The following GALC variants were observed in gnomAD, a reference collection of about 807,000 sequenced individuals.
The protein encoded by GALC is galactosylceramidase, also known as galactocerebrosidase.
In GALC, 77 loss-of-function variants were observed where a neutral mutation model predicts 91.8. The ratio of observed to expected loss-of-function variants is 0.84; its 90% CI spans 0.70 to 1.01. The LOEUF (loss-of-function observed/expected upper bound fraction) is 1.01. Ranked by LOEUF, GALC falls within the 50% of genes least tolerant of loss-of-function variation. GALC has a pLI of 0.00. For synonymous variants in GALC, 357 were observed against 306.7 expected (o/e 1.16, Z -1.71); for missense variants, 882 against 855.9 (o/e 1.03, Z -0.38).
In GALC at chr14:87,947,156, A is replaced by C. The variant is rs577836443; in HGVS notation, c.1489+572T>G. 2.0e-5 allele frequency among the ~76,000 whole-genome samples: 3 copies of C among 152,224 alleles called. No homozygotes were observed. The South Asian group carries it at 6.2e-4, about 32-fold the overall frequency. On this transcript the variant is annotated intron_variant, in intron 13 of 16. Transcript: ENST00000261304. ...AAATTTTGTTACTTACTCACTAGGA[A>C]TATAACTACAATGACCATGTCTTCT...
chr14:87,933,967 G>A lies in GALC; in HGVS notation c.*765C>T. The A allele has an allele frequency of 6.5e-7, 1 of 1,532,490 alleles. No homozygotes were observed. The highest frequency in any genetic ancestry group is 8.7e-7 in the Non-Finnish European group (1 of 1,144,092). 94.9% of individuals were successfully genotyped at this position (1,532,490 alleles called of 1,614,324 possible). On this transcript the variant is annotated 3_prime_UTR_variant, in exon 17 of 17. Coordinates refer to ENST00000261304, the MANE Select transcript of GALC (RefSeq NM_000153.4). ...TGAGGAAACGACTACAACAGCATTG[G>A]CTATATCAGGTTTTCTTCCTTCTTC... is the stretch of plus-strand genomic sequence containing the variant.
chr14:87,961,335 T>C (rs551093866), intron 10 of GALC, among the ~76,000 whole-genome samples: 4 of 152,294 alleles, frequency 2.6e-5, no homozygotes, highest in Admixed American at 6.5e-5. Flanking sequence ...ATGTGGAGAA[T>C]TGTAAGTTTC....
intron 13 of GALC, 88 bp downstream of exon 13, chr14:87,947,640 T>G (rs1297245148): frequency 7.8e-7 from 1 of 1,284,916 alleles, no homozygotes; most frequent in East Asian, 2.3e-5. Context: ...TGACAGCCAC[T>G]CCATCATGCA....
chr14:87,936,917 T>TA (rs60729987), intron 16 of GALC, among the ~76,000 whole-genome samples: 1 of 139,254 alleles, frequency 7.2e-6, no homozygotes, highest in Admixed American at 7.1e-5. Context: ...TATATATTTA[T>TA]TTATTTTCTC....
chr14:87,970,043 T>C (rs982166186), intron 7 of GALC, among the ~76,000 whole-genome samples: 8 of 152,178 alleles, frequency 5.3e-5, no homozygotes, highest in African/African-American at 1.9e-4. Flanking sequence ...TCTGGAACTA[T>C]AACGCCCAAC....
intron 9 of GALC, among the ~76,000 whole-genome samples, chr14:87,964,256 CATGATTACATGATTAAT>C (rs1885935051): frequency 1.3e-5 from 2 of 151,944 alleles, no homozygotes; most frequent in Admixed American, 1.3e-4. Context: ...AGAATAATAT[CATGATTACATGATTAAT>C]ATGATTACAA....
intron 10 of GALC, 109 bp from the exon 11 acceptor site, chr14:87,950,857 A>G (rs1322953990): frequency 4.5e-6 from 3 of 665,174 alleles, no homozygotes; most frequent in Non-Finnish European, 8.2e-6. Flanking sequence ...CATATACTAG[A>G]TAACAAATAT....
At chr14:87,937,962 T>G (rs561670331) in intron 16 of GALC, among the ~76,000 whole-genome samples, 1 of 151,858 alleles carries the variant, frequency 6.6e-6, no homozygotes, top group Non-Finnish European at 1.5e-5. Flanking sequence ...TAAATTGATG[T>G]GTAAATTTAA....
chr14:87,986,357 G>C (rs1181286570), intron 4 of GALC, 132 bp downstream of exon 4: 1 of 701,382 alleles, frequency 1.4e-6, no homozygotes, highest in East Asian at 2.7e-5. Context: ...ATGCTTTGCT[G>C]CTGGTAGCAT....
intron 8 of GALC, 42 bp downstream of exon 8, chr14:87,968,293 A>AT (rs754328766): frequency 3.2e-5 from 48 of 1,520,302 alleles, no homozygotes; most frequent in South Asian, 8.2e-5. Flanking sequence ...ATGTTTTTAA[A>AT]TTTTTTTTGA....
intron 14 of GALC, among the ~76,000 whole-genome samples, chr14:87,944,484 A>G (rs423920): frequency 0.96 from 145,420 of 151,936 alleles, 69,890 homozygotes; most frequent in Non-Finnish European, 1. Context: ...GAACTCCACT[A>G]CCATAACTGG....
chr14:87,945,029 A>G (rs429923), intron 14 of GALC, among the ~76,000 whole-genome samples: 69,497 of 151,888 alleles, frequency 0.46, 16,203 homozygotes, highest in African/African-American at 0.48. Context: ...TGTGAATAAT[A>G]TAACTTGTCT....
rs1419231586 is a variant in GALC, at chr14:87,963,365, A to T, written c.1161+19T>A. Reference sequence around the variant, plus strand: ...TAGTAAAGAAGTGAGTTAATCCAATAGCAACAACAAAAGTTTACCATGGTT... The same window carrying T: ...TAGTAAAGAAGTGAGTTAATCCAATTGCAACAACAAAAGTTTACCATGGTT... On this transcript the variant is annotated intron_variant, in intron 10 of 16. Coordinates refer to ENST00000261304, the MANE Select transcript of GALC (RefSeq NM_000153.4). 1 of 1,611,988 alleles carries T rather than the reference A, an allele frequency of 6.2e-7. No individual in the cohort carries two copies. Among genetic ancestry groups the T allele is most frequent in the East Asian group, 2.2e-5 (1 of 44,820 alleles).
rs557589251 is a variant in GALC at position 87,970,875 on chromosome 14, C to CAA, written c.753-2387_753-2386dup. Among the ~76,000 whole-genome samples the CAA allele has an allele frequency of 2.1e-3, 133 of 62,596 alleles. 1 individual carries two copies. Among genetic ancestry groups the CAA allele is most frequent in the African/African-American group, 7.4e-3 (105 of 14,094 alleles). 41.1% of individuals were successfully genotyped at this position (62,596 alleles called of 152,430 possible). A position where few individuals can be genotyped will look rare whatever the true frequency, so the allele number is the denominator to read the frequency against. On this transcript the variant is annotated intron_variant, in intron 7 of 16. Transcript: ENST00000261304. The stretch of plus-strand genomic sequence containing the variant: ...CAGAGGACAGAGTGAGACTCTGTCT[C>CAA]AAAAAAAAAAAAAAAAAAAAAGAAT...
chr14:87,934,971 G>T, intron 16 of GALC, 93 bp from the exon 17 acceptor site: 1 of 869,450 alleles, frequency 1.2e-6, no homozygotes. Context: ...ACTTAGTGGA[G>T]CAAATGTACT....
chr14:87,940,122 A>T, intron 15 of GALC, 141 bp from the exon 16 acceptor site: 1 of 748,002 alleles, frequency 1.3e-6, no homozygotes, highest in Non-Finnish European at 2.4e-6. Context: ...TCATTCCCAG[A>T]TCTACAACTG....
In GALC at chr14:87,965,562, T is replaced by C; in HGVS notation, c.976A>G (p.Thr326Ala). The change falls in exon 9 of 17, where the codon ACG (threonine) becomes GCG (alanine). Residue 326 changes from threonine (T) to alanine (A), a missense_variant. Physicochemically the swap from Thr to Ala is moderately conservative, Grantham distance 58 (BLOSUM62 0). Coordinates refer to ENST00000261304, the MANE Select transcript of GALC (RefSeq NM_000153.4). The part of the protein sequence containing the change: ...QLPYGRCGLM[T>A]AQEPWSGHYV... ...TGCCCACTCCATGGCTCCTGGGCCG[T>C]CATCAACCCGCATCTCCCATAAGGC... 6.2e-7 allele frequency: 1 copy of C among 1,613,534 alleles called. No homozygotes were observed. The highest frequency in any genetic ancestry group is 8.5e-7 in the Non-Finnish European group (1 of 1,179,628).
At chr14:87,954,479 G>T in intron 10 of GALC, 1 of 1,575,916 alleles carries the variant, frequency 6.3e-7, no homozygotes, top group Non-Finnish European at 8.7e-7. Flanking sequence ...ATATCTTTTT[G>T]TTCAGCGCAA....
intron 6 of GALC, among the ~76,000 whole-genome samples, chr14:87,979,990 T>C (rs1212283030): frequency 1.3e-5 from 2 of 151,864 alleles, no homozygotes; most frequent in African/African-American, 4.8e-5. Flanking sequence ...CCCATCAGCA[T>C]ACTTCAACCT....
Sources: allele counts gnomAD v4.1 joint callset (sites outside exome capture counted in the v4.1 genomes callset), GRCh38; gene constraint gnomAD v4.1.1; transcripts MANE v1.5; gene names NCBI Gene and HGNC (gene_info 2026-07-23, HGNC 2026-07-21).